CCDC7: variants seen among roughly 807,000 people sequenced by gnomAD.
The protein encoded by CCDC7 is coiled-coil domain-containing protein 7.
In CCDC7, 183 loss-of-function variants were observed where a neutral mutation model predicts 196.9. That is an observed-to-expected ratio of 0.93 (90% confidence interval 0.82 to 1.05). The LOEUF is 1.05. CCDC7 is among the 50% of genes least tolerant of loss of function. The pLI is 0.00. For synonymous variants in CCDC7, 525 were observed against 484.6 expected, an observed-to-expected ratio of 1.08 and a Z score of -1.10; for missense variants, 1,540 against 1,482.2, an observed-to-expected ratio of 1.04 and a Z score of -0.64.
At chr10:32,871,009 G>A (rs1348894995) in intron 41 of CCDC7, among the ~76,000 whole-genome samples, 7 of 152,132 alleles carry the variant, frequency 4.6e-5, no homozygotes, top group Non-Finnish European at 1.0e-4. Context: ...GTATTTTATT[G>A]AGGATTTTTG....
At chr10:32,667,602 C>T (rs1359324186) in intron 21 of CCDC7, among the ~76,000 whole-genome samples, 1 of 152,118 alleles carries the variant, frequency 6.6e-6, no homozygotes, top group Non-Finnish European at 1.5e-5. Flanking sequence ...GCCAGTTTTC[C>T]CAGCACCATT....
chr10:32,459,065 G>C (rs1588749981), intron 3 of CCDC7, among the ~76,000 whole-genome samples: 1 of 151,738 alleles, frequency 6.6e-6, no homozygotes, highest in South Asian at 2.1e-4. Flanking sequence ...ATTATAAATG[G>C]GATTGGTCTC....
chr10:32,512,651 G>C (rs2046396958), intron 9 of CCDC7: 1 of 152,074 alleles, frequency 6.6e-6, no homozygotes, highest in Non-Finnish European at 1.5e-5. Context: ...AAAACACCTC[G>C]TTCAAAATTG....
chr10:32,859,561 C>G (rs1031294145), intron 41 of CCDC7, among the ~76,000 whole-genome samples: 9 of 152,042 alleles, frequency 5.9e-5, no homozygotes, highest in African/African-American at 1.7e-4. Context: ...CAAGAAATAA[C>G]TAAGATCAGA....
intron 25 of CCDC7, among the ~76,000 whole-genome samples, chr10:32,715,335 CAGAA>C (rs2081413714): frequency 6.6e-6 from 1 of 152,194 alleles, no homozygotes; most frequent in Admixed American, 6.5e-5. Flanking sequence ...AACTAACAAA[CAGAA>C]AGCAATAGTA....
intron 30 of CCDC7, among the ~76,000 whole-genome samples, chr10:32,813,977 G>A (rs1317129149): frequency 6.8e-6 from 1 of 147,942 alleles, no homozygotes; most frequent in Non-Finnish European, 1.5e-5. Context: ...TTTCTTTTTT[G>A]CGACAGAGTC....
chr10:32,675,917 G>T (rs190321441), intron 21 of CCDC7: 16 of 151,494 alleles, frequency 1.1e-4, no homozygotes, highest in Non-Finnish European at 1.5e-4. Flanking sequence ...AAAAGAGCCC[G>T]CATCACCAAG....
intron 25 of CCDC7, among the ~76,000 whole-genome samples, chr10:32,713,162 A>C (rs2081081930): frequency 6.6e-6 from 1 of 152,208 alleles, no homozygotes; most frequent in Non-Finnish European, 1.5e-5. Flanking sequence ...AGGCCATGAC[A>C]ATAGGGGTTT....
intron 11 of CCDC7, among the ~76,000 whole-genome samples, chr10:32,520,284 C>T (rs1213308772): frequency 6.6e-6 from 1 of 151,998 alleles, no homozygotes; most frequent in African/African-American, 2.4e-5. Flanking sequence ...GTTTTTTGAG[C>T]AACCCTCAAA....
intron 11 of CCDC7, among the ~76,000 whole-genome samples, chr10:32,524,856 A>C (rs561543276): frequency 2.6e-5 from 4 of 152,158 alleles, no homozygotes; most frequent in African/African-American, 9.6e-5. Flanking sequence ...ACCTTGAGGT[A>C]GTCTTCTTTG....
chr10:32,755,603 C>T (rs943528473), intron 28 of CCDC7, among the ~76,000 whole-genome samples: 1 of 152,140 alleles, frequency 6.6e-6, no homozygotes, highest in African/African-American at 2.4e-5. Flanking sequence ...ATCTGTATGT[C>T]ACCAACATCA....
intron 21 of CCDC7, among the ~76,000 whole-genome samples, chr10:32,673,092 A>C (rs2074335532): frequency 6.6e-6 from 1 of 152,178 alleles, no homozygotes; most frequent in Non-Finnish European, 1.5e-5. Flanking sequence ...CTTGCAGAAG[A>C]TAAGTTCACA....
intron 28 of CCDC7, among the ~76,000 whole-genome samples, chr10:32,777,896 G>A (rs1360978132): frequency 6.6e-6 from 1 of 152,184 alleles, no homozygotes; most frequent in East Asian, 1.9e-4. Context: ...TGACTGGTGT[G>A]AGATGGTATC....
intron 28 of CCDC7, among the ~76,000 whole-genome samples, chr10:32,776,385 A>G (rs2080066045): frequency 6.6e-6 from 1 of 152,070 alleles, no homozygotes; most frequent in South Asian, 2.1e-4. Flanking sequence ...TTTTTAATAG[A>G]ACAGGTACTT....
chr10:32,564,471 A>G (rs1288785236), intron 13 of CCDC7, among the ~76,000 whole-genome samples: 1 of 152,244 alleles, frequency 6.6e-6, no homozygotes, highest in South Asian at 2.1e-4. Context: ...CTATGCAGTC[A>G]TAAAAAATGA....
intron 22 of CCDC7, among the ~76,000 whole-genome samples, chr10:32,688,520 T>C (rs909154619): frequency 6.6e-6 from 1 of 152,208 alleles, no homozygotes; most frequent in Admixed American, 6.5e-5. Flanking sequence ...TACTAGATAT[T>C]CTCCCTTTTG....
intron 41 of CCDC7, among the ~76,000 whole-genome samples, chr10:32,872,909 C>T (rs559321335): frequency 5.9e-5 from 9 of 152,298 alleles, no homozygotes; most frequent in African/African-American, 2.2e-4. Context: ...GAGAGATCGG[C>T]TGTTAGTCTG....
downstream of CCDC7, among the ~76,000 whole-genome samples, chr10:32,877,798 G>A (rs2094641379): frequency 6.6e-6 from 1 of 152,120 alleles, no homozygotes; most frequent in Non-Finnish European, 1.5e-5. Flanking sequence ...AAGCCTACCA[G>A]TTTTCTGCCT....
At chr10:32,569,129 C>A (rs929626446) in intron 15 of CCDC7, among the ~76,000 whole-genome samples, 8 of 152,118 alleles carry the variant, frequency 5.3e-5, no homozygotes, top group Non-Finnish European at 8.8e-5. Context: ...CAATACACAC[C>A]TGTCTTCTTA....
Sources: gnomAD v4.1 joint callset for allele counts (sites outside exome capture counted in the v4.1 genomes callset) on GRCh38, gnomAD v4.1.1 for gene constraint, MANE v1.5 for transcripts, NCBI Gene and HGNC (gene_info 2026-07-23, HGNC 2026-07-21) for gene names.